Variants in ANXA13 observed in about 807,000 individuals in gnomAD.
ANXA13 encodes annexin XIII.
A neutral mutation model predicts 46.6 loss-of-function variants in ANXA13; 36 were observed. The ratio of observed to expected loss-of-function variants is 0.77; its 90% confidence interval spans 0.59 to 1.02. The LOEUF (loss-of-function observed/expected upper bound fraction) is 1.02, where lower values mean the gene tolerates loss of function less well. ANXA13 is among the 50% of genes least tolerant of loss of function. The pLI is 0.00. For synonymous variants in ANXA13, 163 were observed against 152.9 expected (o/e 1.07, Z -0.49); for missense variants, 417 against 396.5 (o/e 1.05, Z -0.44).
intron 1 of ANXA13, 37 bp downstream of exon 1, chr8:123,737,283 A>C (rs1182261844): frequency 6.2e-7 from 1 of 1,602,508 alleles, no homozygotes; most frequent in Non-Finnish European, 8.5e-7. Flanking sequence ...ATGCTAACCA[A>C]AATTAAAACC....
At chr8:123,707,864 A>T (rs541091765) in intron 2 of ANXA13, among the ~76,000 whole-genome samples, 1 of 152,294 alleles carries the variant, frequency 6.6e-6, no homozygotes, top group East Asian at 1.9e-4. Context: ...AAAAAACCTA[A>T]TAAAAATCTA....
chr8:123,695,968 A>C (rs895019546), intron 4 of ANXA13, among the ~76,000 whole-genome samples: 2 of 144,718 alleles, frequency 1.4e-5, no homozygotes, highest in Non-Finnish European at 3.0e-5. Flanking sequence ...AAATGCATGC[A>C]TTCTCTTTCT....
At chr8:123,719,911 C>T (rs564911959) in intron 1 of ANXA13, among the ~76,000 whole-genome samples, 27 of 152,126 alleles carry the variant, frequency 1.8e-4, no homozygotes, top group African/African-American at 5.8e-4. Context: ...GGGTGGTGTG[C>T]GGTGTAGATG....
At chr8:123,717,600 C>T (rs1255758791) in intron 1 of ANXA13, among the ~76,000 whole-genome samples, 1 of 152,202 alleles carries the variant, frequency 6.6e-6, no homozygotes, top group African/African-American at 2.4e-5. Context: ...TAGGTGGCCA[C>T]TGAAAATATA....
intron 4 of ANXA13, among the ~76,000 whole-genome samples, chr8:123,696,110 T>A (rs1380424862): frequency 6.6e-6 from 1 of 152,162 alleles, no homozygotes; most frequent in African/African-American, 2.4e-5. Context: ...CACAGATTTT[T>A]TTTTTTGCGT....
chr8:123,725,634 A>G (rs1813968278), intron 1 of ANXA13, among the ~76,000 whole-genome samples: 1 of 152,232 alleles, frequency 6.6e-6, no homozygotes, highest in Admixed American at 6.5e-5. Context: ...GATTAGTGAC[A>G]TATTGGTTTC....
At chr8:123,694,454 T>C (rs1053367238) in intron 6 of ANXA13, among the ~76,000 whole-genome samples, 1 of 152,188 alleles carries the variant, frequency 6.6e-6, no homozygotes, top group African/African-American at 2.4e-5. Context: ...GCTGCTGGAC[T>C]GGAAGAAACC....
At chr8:123,682,050 C>A (rs1310551747) in intron 10 of ANXA13, among the ~76,000 whole-genome samples, 2 of 152,082 alleles carry the variant, frequency 1.3e-5, no homozygotes, top group African/African-American at 4.8e-5. Context: ...TGGCAGTGAG[C>A]CTGAATTGGC....
chr8:123,728,303 C>T (rs943803683), intron 1 of ANXA13: 3 of 152,154 alleles, frequency 2.0e-5, no homozygotes, highest in Non-Finnish European at 2.9e-5. Flanking sequence ...TATCCAATTA[C>T]CACTGTATTG....
chr8:123,692,095 C>A (rs1001086193), intron 8 of ANXA13, among the ~76,000 whole-genome samples: 3 of 152,178 alleles, frequency 2.0e-5, no homozygotes, highest in Non-Finnish European at 4.4e-5. Context: ...TGATAAAATT[C>A]CAAAGCTTTA....
intron 2 of ANXA13, among the ~76,000 whole-genome samples, chr8:123,705,096 T>A (rs1813516306): frequency 6.6e-6 from 1 of 152,210 alleles, no homozygotes; most frequent in Non-Finnish European, 1.5e-5. Flanking sequence ...ATCACACGGA[T>A]TAGAGAAAAT....
At chr8:123,702,097 G>A (rs1358664902) in intron 3 of ANXA13, among the ~76,000 whole-genome samples, 1 of 152,116 alleles carries the variant, frequency 6.6e-6, no homozygotes, top group Non-Finnish European at 1.5e-5. Context: ...ATTAAGAAAA[G>A]TTTAAGTTGT....
intron 1 of ANXA13, among the ~76,000 whole-genome samples, chr8:123,714,656 A>G (rs1456199975): frequency 2.6e-5 from 4 of 152,146 alleles, no homozygotes; most frequent in African/African-American, 9.7e-5. Flanking sequence ...GTTAATGGAG[A>G]ATCATAGACT....
At chr8:123,695,205 T>A (rs1171178808) in intron 6 of ANXA13, among the ~76,000 whole-genome samples, 1 of 151,874 alleles carries the variant, frequency 6.6e-6, no homozygotes, top group African/African-American at 2.4e-5. Flanking sequence ...ACCCACCCTC[T>A]CATGGCCTAC....
At position 123,712,716 on chromosome 8, in the gene ANXA13, C is replaced by T. The variant is rs148699158; in HGVS notation, c.53G>A (p.Arg18Gln). 21 of 1,614,188 alleles carry T rather than the reference C, an allele frequency of 1.3e-5. 1 individual carries two copies. In the Middle Eastern group the frequency reaches 9.9e-4, roughly 76 times the overall value. The change falls in exon 2 of 11, where the codon CGA (arginine) becomes CAA (glutamine). Residue 18 changes from arginine to glutamine, a missense_variant. By Grantham distance (43) the Arg-to-Gln change is conservative. Transcript: ENST00000419625. ...GGCTTTGTTCAGCTTTTTGGCATCT[C>T]GATCCACATCAAAACCCTGAGGACT... ...ASSPQGFDVD[R>Q]DAKKLNKACK...
intron 4 of ANXA13, 62 bp from the exon 5 acceptor site, chr8:123,695,783 C>T: frequency 1.4e-6 from 2 of 1,425,260 alleles, no homozygotes; most frequent in Middle Eastern, 2.1e-4. Context: ...ATAAGAGATA[C>T]AGAGAGAAGA....
Position 123,688,884 on chromosome 8 carries a change from G to T in ANXA13, c.705C>A (p.Ala235=), listed in dbSNP as rs770490089. ...ACTTTACTTTACCGAGAGTTAAATA[G>T]GCCTTCTGCAAGTCGCCTGATGTTT... ...EEETSGDLQK[A]YLTLVRCAQD... The change falls in exon 9 of 11, where the codon GCC becomes GCA. Residue 235 remains alanine (A), a synonymous_variant. Coordinates refer to ENST00000419625, the MANE Select transcript of ANXA13 (RefSeq NM_004306.4). The T allele has an allele frequency of 1.2e-6, 2 of 1,613,750 alleles. No individual in the cohort carries two copies. Among genetic ancestry groups the T allele is most frequent in the Non-Finnish European group, 1.7e-6 (2 of 1,179,808 alleles).
At chr8:123,724,181 T>C (rs1813938126) in intron 1 of ANXA13, among the ~76,000 whole-genome samples, 1 of 152,124 alleles carries the variant, frequency 6.6e-6, no homozygotes. Flanking sequence ...GTTGGAGAAA[T>C]AACAGGAATC....
chr8:123,714,145 C>T (rs1813716179), intron 1 of ANXA13, among the ~76,000 whole-genome samples: 1 of 152,192 alleles, frequency 6.6e-6, no homozygotes, highest in East Asian at 1.9e-4. Flanking sequence ...TTGCCTTTCT[C>T]TGCATGGCAT....
Sources: allele counts gnomAD v4.1 joint callset (sites outside exome capture counted in the v4.1 genomes callset), GRCh38; gene constraint gnomAD v4.1.1; transcripts MANE v1.5; gene names NCBI Gene and HGNC (gene_info 2026-07-23, HGNC 2026-07-21).